Variants in RBM39 observed in about 807,000 individuals in gnomAD.
RBM39 encodes the protein RNA-binding protein 39.
RBM39 carries 12 observed loss-of-function variants against 79.6 expected under a neutral mutation model. That is an observed-to-expected ratio of 0.15 (90% CI 0.10 to 0.24). The LOEUF is 0.24. RBM39 is among the 10% of genes least tolerant of loss of function. The pLI, the probability that RBM39 is intolerant of heterozygous loss-of-function variation, is 1.00. For missense variants in RBM39, 243 were observed against 653.4 expected (o/e 0.37, Z 6.85); for synonymous variants, 185 against 208.4 (o/e 0.89, Z 0.97).
At chr20:35,732,755 T>G (rs2039509934) in intron 3 of RBM39, 1 of 152,500 alleles carries the variant, frequency 6.6e-6, no homozygotes, top group South Asian at 2.1e-4. Context: ...TTTAAATAGT[T>G]TGTCATACAA....
intron 11 of RBM39, chr20:35,713,312 ACTCT>A (rs201977347): frequency 6.7e-5 from 28 of 417,998 alleles, no homozygotes; most frequent in Non-Finnish European, 9.5e-5. Flanking sequence ...CAATTGTGAA[ACTCT>A]CTTTTTTTTT....
chr20:35,735,881 T>C (rs1254889796), intron 3 of RBM39, among the ~76,000 whole-genome samples: 1 of 152,198 alleles, frequency 6.6e-6, no homozygotes, highest in Non-Finnish European at 1.5e-5. Flanking sequence ...TTCTCTACAT[T>C]AGACAAAGGC....
At chr20:35,727,463 G>C (rs1035990724) in intron 6 of RBM39, among the ~76,000 whole-genome samples, 1 of 148,652 alleles carries the variant, frequency 6.7e-6, no homozygotes, top group Non-Finnish European at 1.5e-5. Flanking sequence ...AACCGAAATC[G>C]TAGACTGAAC....
intron 9 of RBM39, 71 bp downstream of exon 9, chr20:35,721,669 A>G: frequency 9.9e-6 from 15 of 1,509,046 alleles, no homozygotes; most frequent in Non-Finnish European, 1.3e-5. Flanking sequence ...ACAAAGCAAG[A>G]CATACAGAAA....
intron 4 of RBM39, chr20:35,731,663 G>A (rs1454497826): frequency 4.5e-6 from 2 of 448,812 alleles, no homozygotes; most frequent in Non-Finnish European, 8.0e-6. Flanking sequence ...AAGCACTCTA[G>A]TGCTTTCATC....
intron 10 of RBM39, among the ~76,000 whole-genome samples, chr20:35,716,429 T>C (rs569817602): frequency 1.4e-3 from 217 of 152,312 alleles, no homozygotes; most frequent in African/African-American, 5.1e-3. Flanking sequence ...TCCCCACCAT[T>C]ATTAACTATT....
At chr20:35,712,459 A>G (rs868377888) in intron 12 of RBM39, among the ~76,000 whole-genome samples, 1,139 of 22,660 alleles carry the variant, frequency 0.05, 6 homozygotes, top group Non-Finnish European at 0.062. Flanking sequence ...AAAAAAAAAA[A>G]GGGGGCGGGG....
chr20:35,724,017 G>A (rs1236636549), intron 8 of RBM39, among the ~76,000 whole-genome samples: 2 of 152,088 alleles, frequency 1.3e-5, no homozygotes, highest in Non-Finnish European at 2.9e-5. Flanking sequence ...CTCCAGCCCT[G>A]GCAACAGAAG....
At chr20:35,716,425 C>T (rs1211796777) in intron 10 of RBM39, among the ~76,000 whole-genome samples, 1 of 152,166 alleles carries the variant, frequency 6.6e-6, no homozygotes, top group Non-Finnish European at 1.5e-5. Flanking sequence ...ACCTTCCCCA[C>T]CATTATTAAC....
intron 3 of RBM39, chr20:35,734,754 A>T: frequency 8.0e-7 from 1 of 1,244,450 alleles, no homozygotes; most frequent in Non-Finnish European, 1.0e-6. Context: ...ACATTCAGAA[A>T]ATACAATCTT....
intron 3 of RBM39, chr20:35,736,488 G>A: frequency 2.4e-6 from 1 of 425,136 alleles, no homozygotes; most frequent in Non-Finnish European, 4.8e-6. Flanking sequence ...TTTCTCATCT[G>A]TTTTATGAAA....
intron 9 of RBM39, among the ~76,000 whole-genome samples, chr20:35,718,155 A>G: frequency 6.6e-6 from 1 of 152,108 alleles, no homozygotes; most frequent in East Asian, 1.9e-4. Context: ...CACTGCGCCC[A>G]GCCCAAGGAA....
At chr20:35,717,154 C>A (rs2037238370) in intron 9 of RBM39, among the ~76,000 whole-genome samples, 1 of 152,036 alleles carries the variant, frequency 6.6e-6, no homozygotes, top group South Asian at 2.1e-4. Context: ...GTGGCGCATG[C>A]CTGTACGCCC....
intron 4 of RBM39, 28 bp from the exon 5 acceptor site, chr20:35,729,555 G>GT: frequency 6.2e-7 from 1 of 1,604,082 alleles, no homozygotes; most frequent in Non-Finnish European, 8.5e-7. Context: ...AATTACACTA[G>GT]TTACAGGTTT....
In RBM39 at chr20:35,713,315, CTCTT is replaced by C. The variant is rs1031922154; in HGVS notation, c.1097-223_1097-220del. On this transcript the variant is annotated intron_variant, in intron 11 of 16. Transcript: ENST00000253363. ...CAACCTGGGCAACAATTGTGAAACT[CTCTT>C]TTTTTTTTGAGATGGAGTATCGCTC... The C allele has an allele frequency of 3.2e-4, 131 of 415,498 alleles. No individual in the cohort carries two copies. In the Middle Eastern group the frequency reaches 6.0e-3, roughly 19 times the overall value. 25.7% of individuals were successfully genotyped at this position (415,498 alleles called of 1,614,324 possible).
At chr20:35,730,626 T>G (rs80138323) in intron 4 of RBM39, among the ~76,000 whole-genome samples, 1 of 152,014 alleles carries the variant, frequency 6.6e-6, no homozygotes, top group African/African-American at 2.4e-5. Flanking sequence ...ACTAAGTAAT[T>G]TTTTATTAAA....
intron 4 of RBM39, chr20:35,731,321 T>A (rs1188576933): frequency 6.6e-6 from 1 of 152,286 alleles, no homozygotes; most frequent in Non-Finnish European, 1.5e-5. Context: ...ACTTTAAATA[T>A]CCACATCCAA....
intron 3 of RBM39, chr20:35,735,228 T>C (rs2039780999): frequency 1.6e-6 from 2 of 1,223,594 alleles, no homozygotes; most frequent in East Asian, 2.8e-5. Context: ...GAATGGACGC[T>C]GATTTAGACT....
At position 35,740,198 on chromosome 20, in the gene RBM39, A is replaced by AT. The variant is rs542228256; in HGVS notation, c.51+625dup. 1,112 of 160,878 alleles carry AT rather than the reference A, an allele frequency of 6.9e-3. 6 individuals are homozygous for AT. Among genetic ancestry groups the AT allele is most frequent in the East Asian group, 0.031 (170 of 5,524 alleles). 10.0% of individuals were successfully genotyped at this position (160,878 alleles called of 1,614,324 possible). The stretch of plus-strand genomic sequence containing the variant: ...TTGTATTGACTCTACTGCCTCTTGT[A>AT]TTTTTTTTTTTTAATTTCTATTCAG... On this transcript the variant is annotated intron_variant, in intron 2 of 16. Coordinates refer to ENST00000253363, the MANE Select transcript of RBM39 (RefSeq NM_184234.3).
Sources: allele counts gnomAD v4.1 joint callset (sites outside exome capture counted in the v4.1 genomes callset), GRCh38; gene constraint gnomAD v4.1.1; transcripts MANE v1.5; gene names NCBI Gene and HGNC (gene_info 2026-07-23, HGNC 2026-07-21).